FNDC3A: variants seen among roughly 807,000 people sequenced by gnomAD.
FNDC3A encodes fibronectin type-III domain-containing protein 3A.
In FNDC3A, 32 loss-of-function variants were observed where a neutral mutation model predicts 148.9. The ratio of observed to expected loss-of-function variants is 0.21; its 90% CI spans 0.16 to 0.29. FNDC3A has a LOEUF of 0.29. Ranked by LOEUF, FNDC3A falls within the 10% of genes least tolerant of loss-of-function variation. The pLI is 1.00. For synonymous variants in FNDC3A, 472 were observed against 473.6 expected (o/e 1.00, Z 0.04); for missense variants, 1,191 against 1,452.8 (o/e 0.82, Z 2.93).
At chr13:49,069,912 A>T (rs1208705089) in intron 2 of FNDC3A, among the ~76,000 whole-genome samples, 1 of 152,238 alleles carries the variant, frequency 6.6e-6, no homozygotes, top group Non-Finnish European at 1.5e-5. Flanking sequence ...AAAAGAAAGT[A>T]TCCTAAATTT....
chr13:49,018,244 A>G (rs1230652440), intron 2 of FNDC3A, among the ~76,000 whole-genome samples: 1 of 152,186 alleles, frequency 6.6e-6, no homozygotes, highest in African/African-American at 2.4e-5. Context: ...TACACCAATC[A>G]GACGTAGATT....
intron 2 of FNDC3A, among the ~76,000 whole-genome samples, chr13:49,069,271 TTTAA>T (rs576440012): frequency 6.4e-4 from 97 of 152,312 alleles, no homozygotes; most frequent in African/African-American, 2.0e-3. Context: ...CTTTAATACC[TTTAA>T]AGATGACGGT....
intron 1 of FNDC3A, among the ~76,000 whole-genome samples, chr13:48,991,687 C>CA (rs1054341120): frequency 2.1e-5 from 3 of 141,528 alleles, no homozygotes; most frequent in South Asian, 2.3e-4. Flanking sequence ...AACCCTGTCT[C>CA]AAAAAAAAGA....
At chr13:49,166,896 A>G (rs1396407928) in intron 8 of FNDC3A, among the ~76,000 whole-genome samples, 1 of 152,190 alleles carries the variant, frequency 6.6e-6, no homozygotes, top group Admixed American at 6.5e-5. Flanking sequence ...TCAACAGTAC[A>G]TGTTTTATTT....
intron 3 of FNDC3A, chr13:49,110,531 A>G (rs763277232): frequency 2.8e-6 from 2 of 725,914 alleles, no homozygotes; most frequent in African/African-American, 1.8e-5. Flanking sequence ...AATATTTTAA[A>G]TTGTTGCCAT....
At chr13:49,048,690 T>A (rs1438191199) in intron 2 of FNDC3A, among the ~76,000 whole-genome samples, 2 of 152,180 alleles carry the variant, frequency 1.3e-5, no homozygotes, top group Admixed American at 1.3e-4. Flanking sequence ...TTTGCTGAAT[T>A]CATCTACAGT....
intron 13 of FNDC3A, among the ~76,000 whole-genome samples, chr13:49,176,782 T>A (rs1772735683): frequency 6.6e-6 from 1 of 152,158 alleles, no homozygotes; most frequent in African/African-American, 2.4e-5. Flanking sequence ...TGGGAGAGGT[T>A]AGGTATGATG....
intron 8 of FNDC3A, among the ~76,000 whole-genome samples, chr13:49,159,784 A>G (rs1197387173): frequency 6.6e-6 from 1 of 152,170 alleles, no homozygotes; most frequent in Non-Finnish European, 1.5e-5. Flanking sequence ...ATTTTGAGAG[A>G]CGTCCCATCA....
At chr13:49,139,418 A>G (rs1882567510) in intron 7 of FNDC3A, among the ~76,000 whole-genome samples, 1 of 152,244 alleles carries the variant, frequency 6.6e-6, no homozygotes, top group South Asian at 2.1e-4. Context: ...CCCAACTCTC[A>G]GAAACATCCA....
chr13:49,171,079 C>T (rs952915541), intron 10 of FNDC3A, among the ~76,000 whole-genome samples: 1 of 152,050 alleles, frequency 6.6e-6, no homozygotes, highest in African/African-American at 2.4e-5. Flanking sequence ...TTTTAACTGC[C>T]ACTACTTTGC....
chr13:48,982,278 A>G (rs867059541), intron 1 of FNDC3A, among the ~76,000 whole-genome samples: 3 of 152,094 alleles, frequency 2.0e-5, no homozygotes, highest in African/African-American at 4.8e-5. Flanking sequence ...TAAGACAGAC[A>G]TTCTCAATTA....
intron 8 of FNDC3A, among the ~76,000 whole-genome samples, chr13:49,148,284 C>T (rs1345459591): frequency 6.6e-6 from 1 of 152,028 alleles, no homozygotes; most frequent in Admixed American, 6.6e-5. Context: ...AAAATCTTTG[C>T]TTAAACCAGT....
chr13:48,995,453 C>G (rs1952006224), intron 1 of FNDC3A, among the ~76,000 whole-genome samples: 1 of 151,940 alleles, frequency 6.6e-6, no homozygotes, highest in African/African-American at 2.4e-5. Flanking sequence ...CTAGATTAAG[C>G]ATAAATCTTT....
At chr13:49,080,011 G>A (rs768187563) in intron 3 of FNDC3A, among the ~76,000 whole-genome samples, 9 of 152,012 alleles carry the variant, frequency 5.9e-5, no homozygotes, top group Non-Finnish European at 1.3e-4. Context: ...TGCCCAGGAT[G>A]CTCTCAAACT....
chr13:49,108,863 AC>A (rs571076938), intron 3 of FNDC3A, among the ~76,000 whole-genome samples: 260 of 152,260 alleles, frequency 1.7e-3, no homozygotes, highest in African/African-American at 6.1e-3. Context: ...GTTAACAATT[AC>A]CTTTCCCCAC....
At chr13:49,106,288 C>G (rs1880168590) in intron 3 of FNDC3A, among the ~76,000 whole-genome samples, 1 of 152,162 alleles carries the variant, frequency 6.6e-6, no homozygotes, top group Admixed American at 6.5e-5. Flanking sequence ...TATCTTAGTA[C>G]TTAAAATCCT....
At chr13:49,052,310 A>G (rs978072974) in intron 2 of FNDC3A, among the ~76,000 whole-genome samples, 1 of 152,140 alleles carries the variant, frequency 6.6e-6, no homozygotes, top group Non-Finnish European at 1.5e-5. Flanking sequence ...GGGGTAGACT[A>G]TGTCAGAGGG....
intron 1 of FNDC3A, among the ~76,000 whole-genome samples, chr13:48,981,956 G>A (rs1205996683): frequency 2.0e-5 from 3 of 152,040 alleles, no homozygotes; most frequent in Non-Finnish European, 2.9e-5. Flanking sequence ...TACTTTAATT[G>A]GTTTATGTAT....
intron 3 of FNDC3A, among the ~76,000 whole-genome samples, chr13:49,097,961 A>G (rs560741896): frequency 6.6e-6 from 1 of 152,220 alleles, no homozygotes; most frequent in East Asian, 1.9e-4. Context: ...CAAGCACAGC[A>G]TATTATATAA....
Sources: gnomAD v4.1 joint callset for allele counts (sites outside exome capture counted in the v4.1 genomes callset) on GRCh38, gnomAD v4.1.1 for gene constraint, MANE v1.5 for transcripts, NCBI Gene and HGNC (gene_info 2026-07-23, HGNC 2026-07-21) for gene names.